Variants in PLCL1 observed in about 807,000 individuals in gnomAD.
PLCL1 encodes phospholipase C like 1 (inactive).
Under a neutral mutation model 84.4 loss-of-function variants are expected in PLCL1, and 41 were observed. The ratio of observed to expected loss-of-function variants is 0.49; its 90% confidence interval spans 0.38 to 0.63. The LOEUF (loss-of-function observed/expected upper bound fraction) is 0.63, where lower values mean the gene tolerates loss of function less well. PLCL1 is among the 30% of genes least tolerant of loss of function. The pLI is 0.00. For missense variants in PLCL1, 1,206 were observed against 1,367.8 expected (o/e 0.88, Z 1.87); for synonymous variants, 490 against 488.3 (o/e 1.00, Z -0.05).
chr2:197,805,165 C>T lies in PLCL1; in HGVS notation c.66C>T (p.Asp22=). 1.5e-6 allele frequency: 2 copies of T among 1,298,218 alleles called. No homozygotes were observed. Among genetic ancestry groups the T allele is most frequent in the Non-Finnish European group, 1.9e-6 (2 of 1,027,488 alleles). 80.4% of individuals were successfully genotyped at this position (1,298,218 alleles called of 1,614,324 possible). A position where few individuals can be genotyped will look rare whatever the true frequency, so the allele number is the denominator to read the frequency against. ...APPDAAGGED[D]PRVGPDAAGD... ...CCGACGCGGCGGGGGGCGAAGACGA[C>T]CCCCGAGTGGGCCCGGATGCCGCCG... The change falls in exon 1 of 6, where the codon GAC becomes GAT. Residue 22 remains aspartate, a synonymous_variant. Transcript: ENST00000428675. This position sits in a 1 kb window ranked among gnomAD's most constrained non-coding sequence, Gnocchi z 4.0.
chr2:197,901,652 CGA>C (rs1297515112), intron 1 of PLCL1, among the ~76,000 whole-genome samples: 3 of 151,906 alleles, frequency 2.0e-5, no homozygotes, highest in Non-Finnish European at 4.4e-5. Flanking sequence ...AAGCAGAGAC[CGA>C]GAGGATAAAG....
chr2:198,139,291 T>C (rs539437673), intron 5 of PLCL1, among the ~76,000 whole-genome samples: 2 of 152,360 alleles, frequency 1.3e-5, no homozygotes, highest in African/African-American at 2.4e-5. Flanking sequence ...CCGACCTTAA[T>C]TGAGGTTGTT....
chr2:198,033,219 G>A lies in PLCL1; in HGVS notation c.241-50539G>A, dbSNP rs181485865. Among the ~76,000 whole-genome samples the A allele has an allele frequency of 6.4e-4, 97 of 152,334 alleles. 2 individuals carry two copies. Among genetic ancestry groups the A allele is most frequent in the Middle Eastern group, 6.8e-3 (2 of 294 alleles). On this transcript the variant is annotated intron_variant, in intron 1 of 5. Coordinates refer to ENST00000428675, the MANE Select transcript of PLCL1 (RefSeq NM_006226.4). Reference sequence around the variant, plus strand: ...GAGACTATGCAGTGCATTTGACACAGAAAATACCAAGAGCAGCATTAGCAC... The same window carrying A: ...GAGACTATGCAGTGCATTTGACACAAAAAATACCAAGAGCAGCATTAGCAC...
In PLCL1 at chr2:197,980,583, G is replaced by A. The variant is rs138441651; in HGVS notation, c.241-103175G>A. ...GTTCACTCAGCCATGTCTTACTCAT[G>A]GGTGAGAGAATATTGAAATTGATCC... On this transcript the variant is annotated intron_variant, in intron 1 of 5. Transcript: ENST00000428675. Among the ~76,000 whole-genome samples the A allele has an allele frequency of 7.9e-5, 12 of 152,230 alleles. No individual in the cohort carries two copies. In the East Asian group the frequency reaches 1.9e-3, roughly 24 times the overall value.
intron 1 of PLCL1, among the ~76,000 whole-genome samples, chr2:197,987,203 CCATAAGTCT>C (rs1358169453): frequency 1.3e-5 from 2 of 152,216 alleles, no homozygotes; most frequent in Non-Finnish European, 2.9e-5. Flanking sequence ...AACTGTTGGA[CCATAAGTCT>C]CATCTGGCCT....
chr2:197,833,268 C>T (rs747786278), intron 1 of PLCL1, among the ~76,000 whole-genome samples: 9 of 152,162 alleles, frequency 5.9e-5, no homozygotes, highest in South Asian at 2.1e-4. Flanking sequence ...ATCTGAAAAT[C>T]GGCACAAGAC....
chr2:197,982,698 T>A (rs1295404250), intron 1 of PLCL1, among the ~76,000 whole-genome samples: 1 of 152,216 alleles, frequency 6.6e-6, no homozygotes, highest in Non-Finnish European at 1.5e-5. Context: ...TGTTTTTGCC[T>A]CCTTTTGTGA....
intron 1 of PLCL1, among the ~76,000 whole-genome samples, chr2:197,941,406 C>T (rs1689155722): frequency 6.6e-6 from 1 of 152,018 alleles, no homozygotes; most frequent in Non-Finnish European, 1.5e-5. Flanking sequence ...ATTTTCCCAC[C>T]TTAGCCTCCC....
At chr2:197,816,420 C>CA (rs1216772745) in intron 1 of PLCL1, among the ~76,000 whole-genome samples, 1 of 151,946 alleles carries the variant, frequency 6.6e-6, no homozygotes. Flanking sequence ...GCATGGGAAA[C>CA]AAAAAAATTT....
chr2:198,041,958 A>G (rs897831305), intron 1 of PLCL1, among the ~76,000 whole-genome samples: 4 of 152,102 alleles, frequency 2.6e-5, no homozygotes, highest in Admixed American at 2.6e-4. Flanking sequence ...TGATAAGTGA[A>G]CCTCAATTTT....
intron 1 of PLCL1, among the ~76,000 whole-genome samples, chr2:197,886,389 G>A (rs151246714): frequency 0.073 from 7,562 of 103,968 alleles, 333 homozygotes; most frequent in Middle Eastern, 0.2. Flanking sequence ...TCCAGCCTGG[G>A]CAACAGAATG....
intron 1 of PLCL1, among the ~76,000 whole-genome samples, chr2:197,908,135 C>T (rs1334400648): frequency 6.6e-6 from 1 of 152,094 alleles, no homozygotes; most frequent in Non-Finnish European, 1.5e-5. Flanking sequence ...GTGCCTTTTA[C>T]TGAGATAGCA....
At chr2:197,890,736 G>A (rs186540631) in intron 1 of PLCL1, among the ~76,000 whole-genome samples, 7 of 120,434 alleles carry the variant, frequency 5.8e-5, no homozygotes, top group South Asian at 5.2e-4. Context: ...GCATATGTAC[G>A]TATATATGTA....
At chr2:197,870,756 A>G (rs1374542402) in intron 1 of PLCL1, among the ~76,000 whole-genome samples, 1 of 152,070 alleles carries the variant, frequency 6.6e-6, no homozygotes, top group Non-Finnish European at 1.5e-5. Flanking sequence ...TTGAATATGC[A>G]CATTTTCCTT....
chr2:198,073,945 C>T (rs1466752392), intron 1 of PLCL1, among the ~76,000 whole-genome samples: 7 of 152,166 alleles, frequency 4.6e-5, no homozygotes, highest in Admixed American at 3.3e-4. Context: ...GTCTCCTTGT[C>T]CCAAGTGACA....
chr2:197,832,321 AGATCACCACC>A, intron 1 of PLCL1, among the ~76,000 whole-genome samples: 1 of 152,330 alleles, frequency 6.6e-6, no homozygotes, highest in Middle Eastern at 3.4e-3. Context: ...GGTAAAGGGG[AGATCACCACC>A]GATCCCACAG....
At chr2:197,931,971 A>G (rs1421530566) in intron 1 of PLCL1, among the ~76,000 whole-genome samples, 1 of 152,220 alleles carries the variant, frequency 6.6e-6, no homozygotes, top group Non-Finnish European at 1.5e-5. Context: ...ATTGTAAAAT[A>G]TCCTGCATAG....
At chr2:197,890,989 G>C (rs1688016519) in intron 1 of PLCL1, among the ~76,000 whole-genome samples, 1 of 150,806 alleles carries the variant, frequency 6.6e-6, no homozygotes, top group Non-Finnish European at 1.5e-5. Flanking sequence ...TGGTTGTACT[G>C]TAATTAATTT....
intron 1 of PLCL1, among the ~76,000 whole-genome samples, chr2:198,006,371 T>C (rs559891919): frequency 4.3e-4 from 65 of 152,258 alleles, no homozygotes; most frequent in African/African-American, 1.6e-3. Flanking sequence ...TTGCTAGATT[T>C]GGTAAATGGA....
Sources: gnomAD v4.1 joint callset for allele counts (sites outside exome capture counted in the v4.1 genomes callset) on GRCh38, gnomAD v4.1.1 for gene constraint, Gnocchi (gnomAD v3.1) non-coding constraint, MANE v1.5 for transcripts, NCBI Gene and HGNC (gene_info 2026-07-23, HGNC 2026-07-21) for gene names.